PPARGC1A: variants seen among roughly 807,000 people sequenced by gnomAD.
PPARGC1A encodes peroxisome proliferator-activated receptor gamma coactivator 1-alpha.
PPARGC1A carries 25 observed loss-of-function variants against 88.7 expected under a neutral mutation model. The observed-to-expected ratio is 0.28, with a 90% CI of 0.21 to 0.39. The LOEUF (loss-of-function observed/expected upper bound fraction) is 0.39. Among genes scored for constraint, PPARGC1A ranks in the 10% least tolerant of loss-of-function variants. The pLI, the probability that PPARGC1A is intolerant of heterozygous loss-of-function variation, is 1.00. For missense variants in PPARGC1A, 880 were observed against 968.7 expected (o/e 0.91, Z 1.22); for synonymous variants, 363 against 355.6 (o/e 1.02, Z -0.24).
the PPARGC1A span, among the ~76,000 whole-genome samples, chr4:24,048,862 C>T: frequency 6.6e-6 from 1 of 152,116 alleles, no homozygotes; most frequent in African/African-American, 2.4e-5. Flanking sequence ...TACACTAATT[C>T]CAACTAATGG....
At chr4:24,258,030 A>G in the PPARGC1A span, among the ~76,000 whole-genome samples, 1 of 152,142 alleles carries the variant, frequency 6.6e-6, no homozygotes, top group Non-Finnish European at 1.5e-5. Context: ...AACATCTGAC[A>G]TATTGTCAAA....
At position 23,814,238 on chromosome 4, in the gene PPARGC1A, G is replaced by T; in HGVS notation, c.1245C>A (p.Val415=). ...AAATCTGCCCCTGCCAATCAGAGGA[G>T]ACATCTTTATTTTCTAGTTGTCTAG... The part of the protein sequence containing the change: ...QDSRQLENKD[V]SSDWQGQICS... The change falls in exon 8 of 13, where the codon GTC becomes GTA. Residue 415 remains valine (V), a synonymous_variant. Transcript: ENST00000264867. 1 of 1,614,100 alleles carries T rather than the reference G, an allele frequency of 6.2e-7. No individual in the cohort carries two copies. The highest frequency in any genetic ancestry group is 8.5e-7 in the Non-Finnish European group (1 of 1,179,998).
At chr4:24,358,705 T>G in the PPARGC1A span, among the ~76,000 whole-genome samples, 474 of 152,354 alleles carry the variant, frequency 3.1e-3, 6 homozygotes, top group African/African-American at 0.011. Context: ...ATACCGCCCA[T>G]GCCTTGTGAA....
At position 23,795,053 on chromosome 4, in the gene PPARGC1A, A is replaced by AAG. The variant is rs372164053; in HGVS notation, c.*767_*768dup. ...ATGGCAAAAGGAAAAAGAAAAAAAA[A>AAG]AGAGAGAGAGAGAGAGAGAGAGAGA... On this transcript the variant is annotated 3_prime_UTR_variant, in exon 13 of 13. Transcript: ENST00000264867. 14,852 of 145,224 alleles carry AAG rather than the reference A, an allele frequency of 0.1. 789 individuals carry two copies. Among genetic ancestry groups the AAG allele is most frequent in the East Asian group, 0.2 (977 of 4,874 alleles). 9.0% of individuals were successfully genotyped at this position (145,224 alleles called of 1,614,324 possible).
the PPARGC1A span, among the ~76,000 whole-genome samples, chr4:24,190,451 C>T: frequency 6.6e-6 from 1 of 152,042 alleles, no homozygotes; most frequent in South Asian, 2.1e-4. Flanking sequence ...GGAGGCGTAG[C>T]TTGCAGTGAG....
the PPARGC1A span, among the ~76,000 whole-genome samples, chr4:24,438,192 G>A: frequency 6.6e-6 from 1 of 152,196 alleles, no homozygotes; most frequent in Non-Finnish European, 1.5e-5. Flanking sequence ...ATTTGATGTG[G>A]AGGAACAGGA....
the PPARGC1A span, among the ~76,000 whole-genome samples, chr4:24,414,051 A>T: frequency 0.02 from 2,981 of 152,290 alleles, 88 homozygotes; most frequent in African/African-American, 0.065. Flanking sequence ...CTCTGAAACC[A>T]CCATGAGACA....
At chr4:24,208,451 C>A in the PPARGC1A span, among the ~76,000 whole-genome samples, 1 of 152,060 alleles carries the variant, frequency 6.6e-6, no homozygotes, top group Admixed American at 6.6e-5. Context: ...AGGGGCATTA[C>A]CTAGCCAGGG....
At chr4:24,151,435 C>T in the PPARGC1A span, among the ~76,000 whole-genome samples, 2 of 152,130 alleles carry the variant, frequency 1.3e-5, no homozygotes, top group Non-Finnish European at 2.9e-5. Context: ...AGGCCCTTCT[C>T]TCACAAGTTC....
rs769948549 is a variant in PPARGC1A, at chr4:23,884,737, A to G, written c.234+15T>C. 6.3e-7 allele frequency: 1 copy of G among 1,599,048 alleles called. No individual in the cohort carries two copies. The highest frequency in any genetic ancestry group is 1.1e-5 in the South Asian group (1 of 89,278). On this transcript the variant is annotated intron_variant, in intron 2 of 12. Transcript: ENST00000264867. The stretch of plus-strand genomic sequence containing the variant: ...AACTCAATGAAAAATTAATGTTTCC[A>G]AAGGATGTCCTTACCTCAAATATGT...
the PPARGC1A span, among the ~76,000 whole-genome samples, chr4:23,958,139 G>A: frequency 6.6e-6 from 1 of 152,090 alleles, no homozygotes; most frequent in African/African-American, 2.4e-5. Context: ...TATGTAATAA[G>A]TGCAAATAAC....
the PPARGC1A span, among the ~76,000 whole-genome samples, chr4:24,408,669 C>T: frequency 5.9e-5 from 9 of 152,184 alleles, no homozygotes. Flanking sequence ...ATCTGTGGGA[C>T]CTAAAGAGCT....
rs71639813 is a variant in PPARGC1A at position 23,832,590 on chromosome 4, ATTTCTT to A, written c.235-845_235-840del. On this transcript the variant is annotated intron_variant, in intron 2 of 12. Transcript: ENST00000264867. ...TGGGGTACTATTCCAGTGCACTATT[ATTTCTT>A]TTTCTTTTTCTTTTTCTTTTTTTTT... Among the ~76,000 whole-genome samples the A allele has an allele frequency of 7.0e-3, 1,011 of 145,056 alleles. 6 individuals carry two copies. Among genetic ancestry groups the A allele is most frequent in the South Asian group, 0.012 (55 of 4,532 alleles).
upstream of PPARGC1A, among the ~76,000 whole-genome samples, chr4:23,903,739 C>A (rs2148886862): frequency 6.6e-6 from 1 of 152,178 alleles, no homozygotes; most frequent in African/African-American, 2.4e-5. Flanking sequence ...TCATAATATC[C>A]AGTCTTCCCA....
chr4:23,996,747 A>T, the PPARGC1A span, among the ~76,000 whole-genome samples: 1 of 152,200 alleles, frequency 6.6e-6, no homozygotes, highest in Non-Finnish European at 1.5e-5. Flanking sequence ...AATCACAACT[A>T]CTCAACTCTG....
At chr4:24,322,434 TCAGA>T in the PPARGC1A span, among the ~76,000 whole-genome samples, 1 of 152,234 alleles carries the variant, frequency 6.6e-6, no homozygotes, top group Non-Finnish European at 1.5e-5. Flanking sequence ...TGGTAACACC[TCAGA>T]CACTTTATTC....
chr4:24,370,977 G>A, the PPARGC1A span, among the ~76,000 whole-genome samples: 4 of 151,782 alleles, frequency 2.6e-5, no homozygotes, highest in African/African-American at 9.7e-5. Context: ...TCCCCTCTGT[G>A]TGTCCATGTG....
At position 23,895,486 on chromosome 4, in the gene PPARGC1A, T is replaced by C. The variant is rs566747534; in HGVS notation, n.52+3781A>G. Among the ~76,000 whole-genome samples, 5 of 152,088 alleles carry C rather than the reference T, an allele frequency of 3.3e-5. No individual in the cohort carries two copies. The South Asian group carries it at 8.3e-4, about 25-fold the overall frequency. On this transcript the variant is annotated intron_variant and non_coding_transcript_variant, in intron 1 of 3. Transcript: ENST00000507342. ...ATATATCCCAAACATGTCGGAGAGG[T>C]AGAAGGGAAATAAATTCTCATCTTA... is the stretch of plus-strand genomic sequence containing the variant.
the PPARGC1A span, among the ~76,000 whole-genome samples, chr4:24,326,709 A>C: frequency 6.6e-6 from 1 of 152,092 alleles, no homozygotes; most frequent in South Asian, 2.1e-4. Flanking sequence ...CCCAAACCTC[A>C]ATCCCTTACA....
Sources: gnomAD v4.1 joint callset for allele counts (sites outside exome capture counted in the v4.1 genomes callset) on GRCh38, gnomAD v4.1.1 for gene constraint, MANE v1.5 for transcripts, NCBI Gene and HGNC (gene_info 2026-07-23, HGNC 2026-07-21) for gene names.